KDM4C: variants seen among roughly 807,000 people sequenced by gnomAD.
The protein encoded by KDM4C is lysine demethylase 4C.
Under a neutral mutation model 129.3 loss-of-function variants are expected in KDM4C, and 81 were observed. That is an observed-to-expected ratio of 0.63 (90% CI 0.52 to 0.75). The LOEUF (loss-of-function observed/expected upper bound fraction) is 0.75. Ranked by LOEUF, KDM4C falls within the 30% of genes least tolerant of loss-of-function variation. The probability of loss-of-function intolerance (pLI) is 0.00; values close to 1 mark genes in which losing one functional copy is unlikely to be tolerated. For missense variants in KDM4C, 1,457 were observed against 1,304.0 expected (o/e 1.12, Z -1.81); for synonymous variants, 573 against 456.1 (o/e 1.26, Z -3.26).
intron 8 of KDM4C, among the ~76,000 whole-genome samples, chr9:6,918,016 A>T (rs1820641688): frequency 6.6e-6 from 1 of 152,206 alleles, no homozygotes; most frequent in South Asian, 2.1e-4. Context: ...TCTCTTTTTA[A>T]AAAATATAAA....
At chr9:6,982,549 A>T (rs1055655993) in intron 9 of KDM4C, 3 of 152,188 alleles carry the variant, frequency 2.0e-5, no homozygotes, top group African/African-American at 7.2e-5. Context: ...TATATAACTC[A>T]CTGTGGGTTA....
intron 8 of KDM4C, among the ~76,000 whole-genome samples, chr9:6,937,897 C>T (rs62533823): frequency 0.26 from 38,883 of 151,700 alleles, 5,429 homozygotes; most frequent in South Asian, 0.39. Context: ...TTTTTGGTAG[C>T]GATGGGGATT....
At chr9:6,993,922 C>T (rs1819217729) in intron 12 of KDM4C, among the ~76,000 whole-genome samples, 1 of 152,122 alleles carries the variant, frequency 6.6e-6, no homozygotes, top group East Asian at 1.9e-4. Context: ...CTTCATTTCC[C>T]TTAACTTTGC....
intron 17 of KDM4C, among the ~76,000 whole-genome samples, chr9:7,083,400 A>C (rs942989169): frequency 6.6e-6 from 1 of 152,204 alleles, no homozygotes; most frequent in East Asian, 1.9e-4. Flanking sequence ...AACAATGGGG[A>C]TGCATTCTGA....
intron 4 of KDM4C, among the ~76,000 whole-genome samples, chr9:6,833,453 T>C (rs576460979): frequency 6.6e-6 from 1 of 152,294 alleles, no homozygotes; most frequent in Admixed American, 6.5e-5. Context: ...GTTGACTTAC[T>C]GGTTTATCGT....
chr9:6,812,045 G>T (rs963392803), intron 3 of KDM4C, among the ~76,000 whole-genome samples: 2 of 152,056 alleles, frequency 1.3e-5, no homozygotes, highest in African/African-American at 4.8e-5. Flanking sequence ...TAACTTCAAT[G>T]GACAATACCA....
rs565680933 is a variant in KDM4C, at chr9:7,049,218, T to G, written c.2424+18T>G. ...TAAAATTGGTGAGTGGCAAAGCTTC[T>G]TTTTTACCTCATAAATTAGTGTTAA... On this transcript the variant is annotated intron_variant, in intron 17 of 21. Coordinates refer to ENST00000381309, the MANE Select transcript of KDM4C (RefSeq NM_015061.6). 9 of 1,311,576 alleles carry G rather than the reference T, an allele frequency of 6.9e-6. No homozygotes were observed. In the African/African-American group the frequency reaches 1.3e-4, roughly 19 times the overall value. 81.2% of individuals were successfully genotyped at this position (1,311,576 alleles called of 1,614,324 possible).
At chr9:6,877,980 A>G (rs1843825074) in intron 5 of KDM4C, among the ~76,000 whole-genome samples, 1 of 152,238 alleles carries the variant, frequency 6.6e-6, no homozygotes, top group Non-Finnish European at 1.5e-5. Flanking sequence ...GTAACAAAGC[A>G]TAGCATTGAT....
At chr9:7,105,746 A>T (rs1190300938) in intron 18 of KDM4C, among the ~76,000 whole-genome samples, 2 of 152,206 alleles carry the variant, frequency 1.3e-5, no homozygotes, top group African/African-American at 4.8e-5. Flanking sequence ...GTTACTGATG[A>T]CTATATTGAA....
At chr9:6,732,561 TAAG>T (rs1423721880) in intron 1 of KDM4C, among the ~76,000 whole-genome samples, 1 of 151,538 alleles carries the variant, frequency 6.6e-6, no homozygotes, top group Non-Finnish European at 1.5e-5. Context: ...AAGGAAAATT[TAAG>T]AAGGTTAAGG....
intron 12 of KDM4C, among the ~76,000 whole-genome samples, chr9:7,006,000 A>G (rs1821598439): frequency 6.6e-6 from 1 of 152,200 alleles, no homozygotes; most frequent in Non-Finnish European, 1.5e-5. Flanking sequence ...TTTTTACTTT[A>G]CATAAAAGTC....
intron 19 of KDM4C, among the ~76,000 whole-genome samples, chr9:7,137,512 T>C (rs1841335735): frequency 6.6e-6 from 1 of 152,232 alleles, no homozygotes; most frequent in African/African-American, 2.4e-5. Context: ...TTTTACACTT[T>C]TAAATCGTTT....
chr9:6,886,794 T>C (rs896630798), intron 6 of KDM4C, among the ~76,000 whole-genome samples: 2 of 152,052 alleles, frequency 1.3e-5, no homozygotes, highest in Non-Finnish European at 2.9e-5. Flanking sequence ...ACTTGGCCTG[T>C]ATTTTTTAGT....
chr9:6,912,441 G>T (rs1369694543), intron 8 of KDM4C, among the ~76,000 whole-genome samples: 4 of 152,180 alleles, frequency 2.6e-5, no homozygotes, highest in Non-Finnish European at 4.4e-5. Context: ...CTCTGAGGCA[G>T]GGTTCCAGGA....
At chr9:7,047,352 AAATTTATGAG>A (rs1829550076) in intron 16 of KDM4C, among the ~76,000 whole-genome samples, 1 of 152,102 alleles carries the variant, frequency 6.6e-6, no homozygotes, top group African/African-American at 2.4e-5. Flanking sequence ...TTACATTAGC[AAATTTATGAG>A]AATGTAAGTG....
At chr9:7,156,812 C>G (rs982523393) in intron 19 of KDM4C, among the ~76,000 whole-genome samples, 1 of 152,130 alleles carries the variant, frequency 6.6e-6, no homozygotes. Flanking sequence ...GTTCTTTTGG[C>G]TTAGGATTGT....
At chr9:6,993,324 A>G (rs888513780) in intron 12 of KDM4C, among the ~76,000 whole-genome samples, 1 of 152,182 alleles carries the variant, frequency 6.6e-6, no homozygotes, top group Admixed American at 6.5e-5. Context: ...TGAAAATACT[A>G]AACTGCCTCT....
chr9:6,837,948 T>TAA (rs1298057536), intron 4 of KDM4C, among the ~76,000 whole-genome samples: 1 of 152,232 alleles, frequency 6.6e-6, no homozygotes, highest in Admixed American at 6.5e-5. Flanking sequence ...TTGCTTAACT[T>TAA]ACCTTTCAGA....
At chr9:6,781,820 ATT>A (rs771374868) in intron 1 of KDM4C, among the ~76,000 whole-genome samples, 25 of 142,376 alleles carry the variant, frequency 1.8e-4, no homozygotes, top group Admixed American at 4.3e-4. Context: ...GTTATAAATA[ATT>A]TTTTTTTTTT....
Sources: allele counts gnomAD v4.1 joint callset (sites outside exome capture counted in the v4.1 genomes callset), GRCh38; gene constraint gnomAD v4.1.1; transcripts MANE v1.5; gene names NCBI Gene and HGNC (gene_info 2026-07-23, HGNC 2026-07-21).